The following FSIP2 variants were observed in gnomAD, a reference collection of about 807,000 sequenced individuals.
FSIP2 encodes the protein fibrous sheath-interacting protein 2.
FSIP2 carries 367 observed loss-of-function variants against 510.5 expected under a neutral mutation model. That is an observed-to-expected ratio of 0.72 (90% CI 0.66 to 0.78). FSIP2 has a LOEUF of 0.78. FSIP2 is among the 30% of genes least tolerant of loss of function. The probability of loss-of-function intolerance (pLI) is 0.00; values close to 1 mark genes in which losing one functional copy is unlikely to be tolerated. For missense variants in FSIP2, 7,594 were observed against 7,901.7 expected (o/e 0.96, Z 1.48); for synonymous variants, 2,601 against 2,732.2 (o/e 0.95, Z 1.50).
intron 9 of FSIP2, among the ~76,000 whole-genome samples, chr2:185,760,012 A>T (rs1412697188): frequency 1.6e-4 from 6 of 38,544 alleles, no homozygotes; most frequent in Admixed American, 1.2e-3. Context: ...TGGATTTTTC[A>T]GAGAATTTGT....
intron 10 of FSIP2, among the ~76,000 whole-genome samples, chr2:185,761,433 AT>A (rs1446300753): frequency 6.6e-6 from 1 of 151,302 alleles, no homozygotes; most frequent in East Asian, 1.9e-4. Flanking sequence ...TATAAGATAA[AT>A]TAAATATAAG....
Position 185,792,840 on chromosome 2 carries a change from C to CAAAA in FSIP2, c.5705_5706insAAAA (p.Ser1903LysfsTer3). 1 of 1,534,404 alleles carries CAAAA rather than the reference C, an allele frequency of 6.5e-7. No homozygotes were observed. The highest frequency in any genetic ancestry group is 1.2e-5 in the South Asian group (1 of 84,026). ...TTTGGATGAAAATCCATGTACTTTT[C>CAAAA]AGTCTAGATTCAGCGTTGCTGACAA... On this transcript the variant is annotated frameshift_variant, in exon 16 of 23. Transcript: ENST00000424728. LOFTEE classifies it high-confidence loss of function.
At position 185,789,269 on chromosome 2, in the gene FSIP2, T is replaced by C. The variant is rs1474250795; in HGVS notation, c.2133T>C (p.Ile711=). The change falls in exon 16 of 23, where the codon ATT becomes ATC. Residue 711 remains isoleucine (I), a synonymous_variant. Coordinates refer to ENST00000424728, the MANE Select transcript of FSIP2 (RefSeq NM_173651.4). ...KGETEVILES[I]LREIMSDLTQ... ...AAACTGAAGTGATTTTAGAAAGCAT[T>C]TTGCGAGAAATAATGTCTGATTTAA... is the stretch of plus-strand genomic sequence containing the variant. 51 of 1,534,538 alleles carry C rather than the reference T, an allele frequency of 3.3e-5. No individual in the cohort carries two copies. The highest frequency in any genetic ancestry group is 4.5e-5 in the Non-Finnish European group (51 of 1,145,966).
At chr2:185,777,092 T>C (rs761119618) in intron 13 of FSIP2, among the ~76,000 whole-genome samples, 3 of 152,126 alleles carry the variant, frequency 2.0e-5, no homozygotes, top group Non-Finnish European at 4.4e-5. Context: ...CACTCTATCA[T>C]AAGGAAATCA....
Position 185,805,461 on chromosome 2 carries a change from C to G in FSIP2, c.16155C>G (p.Thr5385=), listed in dbSNP as rs1693543405. ...CTATAGGGATGATTGCTGCTCTAAC[C>G]CAGAAGGCAATATCTGCATTCAGGA... The part of the protein sequence containing the change: ...NIAIGMIAAL[T]QKAISAFRIQ... Residue 5385 remains threonine (T), a synonymous_variant, in exon 17 of 23, where the codon ACC becomes ACG. Transcript: ENST00000424728. 6.2e-7 allele frequency: 1 copy of G among 1,611,076 alleles called. No homozygotes were observed. The highest frequency in any genetic ancestry group is 1.7e-5 in the Admixed American group (1 of 59,684).
Position 185,761,089 on chromosome 2 carries a change from G to A in FSIP2, c.1180G>A (p.Gly394Ser). Reference protein sequence around the residue: ...VVYQADVQDNGINQKRDGMVS... With the variant: ...VVYQADVQDNSINQKRDGMVS... Reference sequence around the variant, plus strand: ...TTATCAGGCAGATGTACAGGATAATGGTATAAATCAAAAGGTATACAATTA... The same window carrying A: ...TTATCAGGCAGATGTACAGGATAATAGTATAAATCAAAAGGTATACAATTA... Residue 394 changes from glycine (G) to serine (S), a missense_variant, in exon 10 of 23, where the codon GGT (glycine) becomes AGT (serine). Gly to Ser is a moderately conservative substitution (Grantham distance 56, BLOSUM62 0). Coordinates refer to ENST00000424728, the MANE Select transcript of FSIP2 (RefSeq NM_173651.4). 7.4e-7 allele frequency: 1 copy of A among 1,355,570 alleles called. No individual in the cohort carries two copies. The highest frequency in any genetic ancestry group is 1.0e-6 in the Non-Finnish European group (1 of 1,001,716). 84.0% of individuals were successfully genotyped at this position (1,355,570 alleles called of 1,614,324 possible). A position where few individuals can be genotyped will look rare whatever the true frequency, so the allele number is the denominator to read the frequency against.
At position 185,813,621 on chromosome 2, in the gene FSIP2, G is replaced by GTTTTT; in HGVS notation, c.19905_19906insTTTTT (p.Lys6636PhefsTer10). The GTTTTT allele has an allele frequency of 6.3e-7, 1 of 1,590,006 alleles. No individual in the cohort carries two copies. Reference sequence around the variant, plus strand: ...GTGGAGCTCTTAAAAGATGTTCAAAGTAAAAATGATCTTATTGTTCGATTA... The same window carrying GTTTTT: ...GTGGAGCTCTTAAAAGATGTTCAAAGTTTTTTAAAAATGATCTTATTGTTCGATTA... On this transcript the variant is annotated frameshift_variant, in exon 18 of 23. Transcript: ENST00000424728. LOFTEE classifies it high-confidence loss of function.
Position 185,802,323 on chromosome 2 carries a change from A to G in FSIP2, c.13017A>G (p.Val4339=), listed in dbSNP as rs905129208. 4 of 1,533,868 alleles carry G rather than the reference A, an allele frequency of 2.6e-6. No individual in the cohort carries two copies. The highest frequency in any genetic ancestry group is 2.6e-6 in the Non-Finnish European group (3 of 1,145,398). Residue 4339 remains valine (V), a synonymous_variant, in exon 17 of 23, where the codon GTA becomes GTG. Coordinates refer to ENST00000424728, the MANE Select transcript of FSIP2 (RefSeq NM_173651.4). ...TGAAAAACATGACCCAAAGAATAGT[A>G]AACTCCATAAATAGGCATTTCAATA... ...IELKNMTQRI[V]NSINRHFNKA...
intron 11 of FSIP2, among the ~76,000 whole-genome samples, 189 bp downstream of exon 11, chr2:185,762,206 G>T (rs184032345): frequency 6.6e-6 from 1 of 151,256 alleles, no homozygotes; most frequent in African/African-American, 2.4e-5. Flanking sequence ...CTGGATGAGT[G>T]TGCCTTTTGG....
chr2:185,777,323 A>T (rs979271820), intron 13 of FSIP2, among the ~76,000 whole-genome samples: 22 of 152,054 alleles, frequency 1.4e-4, no homozygotes, highest in Admixed American at 1.2e-3. Context: ...GTGTTTTTAT[A>T]AAAAAATCAA....
rs759971581 is a variant in FSIP2 at position 185,805,558 on chromosome 2, AG to A, written c.16255del (p.Val5419PhefsTer12). 1 of 1,611,336 alleles carries A rather than the reference AG, an allele frequency of 6.2e-7. No homozygotes were observed. The highest frequency in any genetic ancestry group is 8.5e-7 in the Non-Finnish European group (1 of 1,178,400). ...SFLNPDNITQRVQHLPQNTFT... is the reference protein window; with the variant it reads ...SFLNPDNITQXVQHLPQNTFT... ...TCTAAATCCAGATAATATCACCCAA[AG>A]GGTTCAACACCTACCACAAAACACC... On this transcript the variant is annotated frameshift_variant, in exon 17 of 23. Transcript: ENST00000424728. LOFTEE classifies it high-confidence loss of function.
chr2:185,793,864 C>T lies in FSIP2; in HGVS notation c.6728C>T (p.Thr2243Ile), dbSNP rs746906750. 35 of 1,531,386 alleles carry T rather than the reference C, an allele frequency of 2.3e-5. No homozygotes were observed. The highest frequency in any genetic ancestry group is 4.4e-6 in the Non-Finnish European group (5 of 1,144,262). 94.9% of individuals were successfully genotyped at this position (1,531,386 alleles called of 1,614,324 possible). ...AAAGAAGACACTCAGAAATCTGCTA[C>T]TGACTCATGTGAGGAAAATGCTAAC... ...VEKEDTQKSA[T>I]DSCEENANFI... The change falls in exon 16 of 23, where the codon ACT becomes ATT. Residue 2243 changes from threonine to isoleucine, a missense_variant. Physicochemically the swap from Thr to Ile is moderately conservative, Grantham distance 89. Coordinates refer to ENST00000424728, the MANE Select transcript of FSIP2 (RefSeq NM_173651.4).
rs1466416616 is a variant in FSIP2 at position 185,795,899 on chromosome 2, T to C, written c.8763T>C (p.Val2921=). 6.5e-7 allele frequency: 1 copy of C among 1,533,740 alleles called. No individual in the cohort carries two copies. The highest frequency in any genetic ancestry group is 1.7e-4 in the Middle Eastern group (1 of 5,970). ...AQINMFGREI[V]EMLLEKLQLC... ...TTAATATGTTTGGAAGGGAAATTGTTGAAATGCTACTTGAAAAACTACAGC... is the reference window on the plus strand; with the variant it reads ...TTAATATGTTTGGAAGGGAAATTGTCGAAATGCTACTTGAAAAACTACAGC... Residue 2921 remains valine, a synonymous_variant, in exon 16 of 23, where the codon GTT becomes GTC. Transcript: ENST00000424728.
At chr2:185,787,470 TAGC>T (rs994986324) in intron 15 of FSIP2, among the ~76,000 whole-genome samples, 5 of 151,776 alleles carry the variant, frequency 3.3e-5, no homozygotes, top group Non-Finnish European at 7.4e-5. Context: ...TTTTGGGTGT[TAGC>T]AGCCTAGTTA....
At chr2:185,823,710 AC>A (rs776354023) in intron 19 of FSIP2, among the ~76,000 whole-genome samples, 5 of 151,742 alleles carry the variant, frequency 3.3e-5, no homozygotes, top group Non-Finnish European at 7.4e-5. Context: ...ACATAGACTT[AC>A]CCTATGATCA....
At chr2:185,747,285 C>A in intron 6 of FSIP2, 28 bp from the exon 7 acceptor site, 3 of 1,246,436 alleles carry the variant, frequency 2.4e-6, no homozygotes, top group Non-Finnish European at 3.4e-6. Context: ...GGCACACACA[C>A]CAAGTGCAGT....
chr2:185,764,382 TAAAGAG>T (rs897011099), intron 12 of FSIP2, 114 bp from the exon 13 acceptor site: 20 of 538,480 alleles, frequency 3.7e-5, no homozygotes, highest in Non-Finnish European at 5.5e-5. Context: ...AAATTGACAT[TAAAGAG>T]AAATTCTCAA....
rs201345976 is a variant in FSIP2, at chr2:185,803,706, G to T, written c.14400G>T (p.Gln4800His). 1.3e-3 allele frequency: 2,054 copies of T among 1,532,712 alleles called. 3 individuals carry two copies. The highest frequency in any genetic ancestry group is 1.7e-3 in the Non-Finnish European group (1,904 of 1,144,636). 94.9% of individuals were successfully genotyped at this position (1,532,712 alleles called of 1,614,324 possible). A position where few individuals can be genotyped will look rare whatever the true frequency, so the allele number is the denominator to read the frequency against. ...SHSHLEKIVT[Q>H]LTSQISPLNT... Reference sequence around the variant, plus strand: ...GTCATTTGGAAAAAATAGTTACTCAGCTTACATCTCAGATAAGTCCATTGA... The same window carrying T: ...GTCATTTGGAAAAAATAGTTACTCATCTTACATCTCAGATAAGTCCATTGA... Residue 4800 changes from glutamine to histidine, a missense_variant, in exon 17 of 23, where the codon CAG (glutamine) becomes CAT (histidine). Physicochemically the swap from Gln to His is conservative, Grantham distance 24. Transcript: ENST00000424728.
At chr2:185,816,287 G>A (rs1381562610) in intron 19 of FSIP2, among the ~76,000 whole-genome samples, 1 of 148,494 alleles carries the variant, frequency 6.7e-6, no homozygotes, top group African/African-American at 2.5e-5. Context: ...GCCCACCATT[G>A]TCTCTTTTCT....
Sources: gnomAD v4.1 joint callset for allele counts (sites outside exome capture counted in the v4.1 genomes callset) on GRCh38, gnomAD v4.1.1 for gene constraint, MANE v1.5 for transcripts, NCBI Gene and HGNC (gene_info 2026-07-23, HGNC 2026-07-21) for gene names.